Variants in BAIAP3 observed in about 807,000 individuals in gnomAD.
The protein encoded by BAIAP3 is BAI1 associated protein 3, also known as BAI1-associated protein 3.
In BAIAP3, 180 loss-of-function variants were observed where a neutral mutation model predicts 149.7. The ratio of observed to expected loss-of-function variants is 1.20; its 90% CI spans 1.07 to 1.36. The LOEUF is 1.36. Among genes scored for constraint, BAIAP3 ranks in the 40% most tolerant of loss-of-function variants. The pLI, the probability that BAIAP3 is intolerant of heterozygous loss-of-function variation, is 0.00. For synonymous variants in BAIAP3, 845 were observed against 670.7 expected, an observed-to-expected ratio of 1.26 and a Z score of -4.02; for missense variants, 1,767 against 1,563.4, an observed-to-expected ratio of 1.13 and a Z score of -2.20.
intron 28 of BAIAP3, 112 bp downstream of exon 28, chr16:1,347,067 T>A: frequency 5.8e-6 from 6 of 1,032,186 alleles, no homozygotes; most frequent in African/African-American, 1.6e-5. Context: ...GAGCAGCCAC[T>A]CCAGGGCTGT....
In BAIAP3 at chr16:1,339,377, C is replaced by T. The variant is rs192028603; in HGVS notation, c.301-119C>T. ...GGTGAGTGGGTGGGTGAGTGAGGAG[C>T]GGAGGGGCTCCTGGTGCAAAGAGGC... On this transcript the variant is annotated intron_variant, in intron 4 of 33. Transcript: ENST00000426824. 294 of 1,472,370 alleles carry T rather than the reference C, an allele frequency of 2.0e-4. 1 individual carries two copies. In the African/African-American group the frequency reaches 3.0e-3, roughly 15 times the overall value. The allele number at this position is 1,472,370 out of a possible 1,614,324, so 91.2% of individuals were successfully genotyped here. A position where few individuals can be genotyped will look rare whatever the true frequency, so the allele number is the denominator to read the frequency against.
rs2034227843 is a variant in BAIAP3, at chr16:1,345,176, G to A, written c.1941-73G>A. ...AGGACCTGTGAGGGGGACGGTCCTG[G>A]AGCTGTGAGCCTGGAACGTGCTGGT... is the stretch of plus-strand genomic sequence containing the variant. On this transcript the variant is annotated intron_variant, in intron 21 of 33. Transcript: ENST00000426824. 2.5e-6 allele frequency: 4 copies of A among 1,609,478 alleles called. No individual in the cohort carries two copies. The South Asian group carries it at 3.3e-5, about 13-fold the overall frequency.
In BAIAP3 at chr16:1,341,367, G is replaced by T. The variant is rs1472457675; in HGVS notation, c.609G>T (p.Lys203Asn). The T allele has an allele frequency of 6.2e-7, 1 of 1,612,514 alleles. No individual in the cohort carries two copies. Among genetic ancestry groups the T allele is most frequent in the Admixed American group, 1.7e-5 (1 of 60,022 alleles). The change falls in exon 8 of 34, where the codon AAG becomes AAT. Residue 203 changes from lysine to asparagine, a missense_variant. By Grantham distance (94) the Lys-to-Asn change is moderately conservative (BLOSUM62 0). Transcript: ENST00000426824. ...CCACGCGGGAGCCCCGTGCACAGAA[G>T]GAGCAGCGCTTCGGCTTCCGCAAGG... is the stretch of plus-strand genomic sequence containing the variant. ...SDATREPRAQ[K>N]EQRFGFRKGS...
At position 1,344,017 on chromosome 16, in the gene BAIAP3, C is replaced by A. The variant is rs367834190; in HGVS notation, c.1387-5C>A. The A allele has an allele frequency of 7.4e-6, 12 of 1,612,022 alleles. No homozygotes were observed. In the African/African-American group the frequency reaches 1.6e-4, roughly 22 times the overall value. ...TGCTGGCACTGAAGGGCCCTGTCCCCACAGGAGGAGAGCCTGGCTGATAGC... is the reference window on the plus strand; with the variant it reads ...TGCTGGCACTGAAGGGCCCTGTCCCAACAGGAGGAGAGCCTGGCTGATAGC... On this transcript the variant is annotated splice_region_variant and splice_polypyrimidine_tract_variant and intron_variant, in intron 15 of 33. Transcript: ENST00000426824.
chr16:1,334,535 C>T, intron 1 of BAIAP3: 2 of 812,176 alleles, frequency 2.5e-6, no homozygotes, highest in South Asian at 1.7e-5. Context: ...GAAGGCGCCT[C>T]GGGCTCCGGT....
In BAIAP3 at chr16:1,343,450, G is replaced by T; in HGVS notation, c.1323G>T (p.Leu441=). The T allele has an allele frequency of 1.3e-6, 2 of 1,592,194 alleles. No individual in the cohort carries two copies. Among genetic ancestry groups the T allele is most frequent in the Non-Finnish European group, 1.7e-6 (2 of 1,170,904 alleles). The change falls in exon 15 of 34, where the codon CTG becomes CTT. Residue 441 remains leucine (L), a synonymous_variant. Coordinates refer to ENST00000426824, the MANE Select transcript of BAIAP3 (RefSeq NM_001199097.2). ...CCTGCACGCTGGACTACAGCTACCT[G>T]CTGGGGCTGCTGGAGGACATGCAGG... ...HQTCTLDYSY[L]LGLLEDMQAH...
intron 1 of BAIAP3, among the ~76,000 whole-genome samples, chr16:1,338,041 A>G (rs2033587906): frequency 6.6e-6 from 1 of 151,956 alleles, no homozygotes; most frequent in South Asian, 2.1e-4. Flanking sequence ...GCGAGTTTTT[A>G]CCTCCTACAT....
chr16:1,345,243 C>G lies in BAIAP3; in HGVS notation c.1941-6C>G. 1 of 1,612,684 alleles carries G rather than the reference C, an allele frequency of 6.2e-7. No homozygotes were observed. The highest frequency in any genetic ancestry group is 8.5e-7 in the Non-Finnish European group (1 of 1,179,754). ...GGGCCGAGCCCTCACAACCCTCCCA[C>G]CACAGGGACAGCCGCTCTCTGGCCC... On this transcript the variant is annotated splice_polypyrimidine_tract_variant and splice_region_variant and intron_variant, in intron 21 of 33. Coordinates refer to ENST00000426824, the MANE Select transcript of BAIAP3 (RefSeq NM_001199097.2).
chr16:1,334,536 G>A, intron 1 of BAIAP3: 1 of 820,400 alleles, frequency 1.2e-6, no homozygotes, highest in Non-Finnish European at 1.9e-6. Flanking sequence ...AAGGCGCCTC[G>A]GGCTCCGGTC....
At chr16:1,345,923 G>T in intron 23 of BAIAP3, 33 bp downstream of exon 23, 1 of 1,579,996 alleles carries the variant, frequency 6.3e-7, no homozygotes, top group East Asian at 2.3e-5. Context: ...TGAGGGGAAC[G>T]GGTGGGAGAG....
chr16:1,339,709 G>A (rs562830339), intron 5 of BAIAP3, 106 bp downstream of exon 5: 12 of 910,630 alleles, frequency 1.3e-5, no homozygotes, highest in East Asian at 2.7e-5. Flanking sequence ...GAATCTCCCC[G>A]ATCCGTGCAC....
intron 7 of BAIAP3, 28 bp downstream of exon 7, chr16:1,341,223 T>G (rs1340194336): frequency 1.2e-6 from 2 of 1,608,634 alleles, no homozygotes; most frequent in South Asian, 2.2e-5. Flanking sequence ...AGACCTCGGC[T>G]GCGCCGAGGC....
Position 1,344,272 on chromosome 16 carries a change from C to T in BAIAP3, c.1557C>T (p.Cys519=), listed in dbSNP as rs371882575. The T allele has an allele frequency of 8.7e-6, 14 of 1,613,772 alleles. No individual in the cohort carries two copies. The highest frequency in any genetic ancestry group is 1.1e-5 in the Non-Finnish European group (13 of 1,180,012). Reference sequence around the variant, plus strand: ...TCTTCCAACCCTCCTTTGAGATCTGCCCCTTCGAGTCGGAGCTGAACATGG... The same window carrying T: ...TCTTCCAACCCTCCTTTGAGATCTGTCCCTTCGAGTCGGAGCTGAACATGG... ...LQLFQPSFEI[C]PFESELNMDI... is the part of the protein sequence containing the mutation. Residue 519 remains cysteine, a synonymous_variant, in exon 17 of 34, where the codon TGC becomes TGT. Transcript: ENST00000426824.
chr16:1,341,312 G>A lies in BAIAP3; in HGVS notation c.554G>A (p.Cys185Tyr), dbSNP rs779757203. ...KDPNGFSDPY[C>Y]MLGILPASDA... The stretch of plus-strand genomic sequence containing the variant: ...TGCCCAGGCTTCAGCGACCCATACT[G>A]CATGCTGGGCATCCTGCCTGCCTCG... Residue 185 changes from cysteine to tyrosine, a missense_variant, in exon 8 of 34, where the codon TGC (cysteine) becomes TAC (tyrosine). By Grantham distance (194) the Cys-to-Tyr change is radical (BLOSUM62 -2). Transcript: ENST00000426824. 6.2e-7 allele frequency: 1 copy of A among 1,611,108 alleles called. No homozygotes were observed. The highest frequency in any genetic ancestry group is 1.1e-5 in the South Asian group (1 of 91,004).
Position 1,343,461 on chromosome 16 carries a change from T to C in BAIAP3, c.1334T>C (p.Leu445Pro), listed in dbSNP as rs1218076809. ...GACTACAGCTACCTGCTGGGGCTGC[T>C]GGAGGACATGCAGGCACACTGGGAA... ...TLDYSYLLGL[L>P]EDMQAHWEEA... The change falls in exon 15 of 34, where the codon CTG becomes CCG. Residue 445 changes from leucine (L) to proline (P), a missense_variant. By Grantham distance (98) the Leu-to-Pro change is moderately conservative. Transcript: ENST00000426824. 6.3e-7 allele frequency: 1 copy of C among 1,599,126 alleles called. No homozygotes were observed. The highest frequency in any genetic ancestry group is 1.7e-5 in the Admixed American group (1 of 58,054).
rs1174453359 is a variant in BAIAP3 at position 1,348,360 on chromosome 16, C to T, written c.3356-19C>T. The T allele has an allele frequency of 1.9e-6, 3 of 1,610,700 alleles. No individual in the cohort carries two copies. The highest frequency in any genetic ancestry group is 2.2e-5 in the East Asian group (1 of 44,792). On this transcript the variant is annotated intron_variant, in intron 33 of 33. Coordinates refer to ENST00000426824, the MANE Select transcript of BAIAP3 (RefSeq NM_001199097.2). ...GGGCCTGACCCCGGCCCCCACACACCTGCCCGCGCTGCTTGCAGTGAGATC... is the reference window on the plus strand; with the variant it reads ...GGGCCTGACCCCGGCCCCCACACACTTGCCCGCGCTGCTTGCAGTGAGATC...
At chr16:1,340,194 C>G (rs1355426064) in intron 5 of BAIAP3, among the ~76,000 whole-genome samples, 24 of 128,046 alleles carry the variant, frequency 1.9e-4, no homozygotes, top group Non-Finnish European at 1.5e-4. Context: ...CACAGACACA[C>G]GCACACAGGC....
Position 1,349,232 on chromosome 16 carries a change from C to T in BAIAP3, c.*750C>T. 1 of 641,392 alleles carries T rather than the reference C, an allele frequency of 1.6e-6. No individual in the cohort carries two copies. Among genetic ancestry groups the T allele is most frequent in the South Asian group, 1.8e-5 (1 of 54,938 alleles). The allele number at this position is 641,392 out of a possible 1,614,324, so 39.7% of individuals were successfully genotyped here. On this transcript the variant is annotated 3_prime_UTR_variant, in exon 34 of 34. Transcript: ENST00000426824. The stretch of plus-strand genomic sequence containing the variant: ...AGGCCCAGTGTGAAAAACAGACTCA[C>T]AAGGGGCTTCTTGGCCTGCAGCTTC...
At position 1,343,429 on chromosome 16, in the gene BAIAP3, C is replaced by T. The variant is rs1348858242; in HGVS notation, c.1302C>T (p.Cys434=). 1.3e-6 allele frequency: 2 copies of T among 1,578,686 alleles called. No homozygotes were observed. The highest frequency in any genetic ancestry group is 8.6e-7 in the Non-Finnish European group (1 of 1,164,360). ...TCAGCAGCCGCCACCATCAAACCTG[C>T]ACGCTGGACTACAGCTACCTGCTGG... is the stretch of plus-strand genomic sequence containing the variant. ...WQVSSRHHQT[C]TLDYSYLLGL... Residue 434 remains cysteine (C), a synonymous_variant, in exon 15 of 34, where the codon TGC becomes TGT. Transcript: ENST00000426824.
Sources: gnomAD v4.1 joint callset for allele counts (sites outside exome capture counted in the v4.1 genomes callset) on GRCh38, gnomAD v4.1.1 for gene constraint, MANE v1.5 for transcripts, NCBI Gene and HGNC (gene_info 2026-07-23, HGNC 2026-07-21) for gene names.